The following TOM1 variants were observed in gnomAD, a reference collection of about 807,000 sequenced individuals.
TOM1 encodes the protein target of Myb protein 1.
Under a neutral mutation model 61.3 loss-of-function variants are expected in TOM1, and 38 were observed. The observed-to-expected ratio is 0.62, with a 90% CI of 0.48 to 0.81. The LOEUF (loss-of-function observed/expected upper bound fraction) is 0.81, where lower values mean the gene tolerates loss of function less well. Ranked by LOEUF, TOM1 falls within the 40% of genes least tolerant of loss-of-function variation. The pLI is 0.00. For synonymous variants in TOM1, 270 were observed against 268.8 expected, an observed-to-expected ratio of 1.00 and a Z score of -0.04; for missense variants, 591 against 659.6, an observed-to-expected ratio of 0.90 and a Z score of 1.14.
At chr22:35,337,962 T>C (rs1321859313) in intron 11 of TOM1, among the ~76,000 whole-genome samples, 2 of 152,154 alleles carry the variant, frequency 1.3e-5, no homozygotes, top group East Asian at 3.8e-4. Flanking sequence ...CCGCCTCTCC[T>C]CCTTAGCCAG....
At chr22:35,326,351 A>G (rs1360143733) in intron 6 of TOM1, among the ~76,000 whole-genome samples, 2 of 152,172 alleles carry the variant, frequency 1.3e-5, no homozygotes, top group Non-Finnish European at 2.9e-5. Flanking sequence ...AACACCCTAC[A>G]AGGTCCCACA....
At chr22:35,302,497 C>T (rs1004161405) in intron 1 of TOM1, among the ~76,000 whole-genome samples, 7 of 151,844 alleles carry the variant, frequency 4.6e-5, no homozygotes, top group East Asian at 3.9e-4. Flanking sequence ...CCGCCACACC[C>T]GACTAATTTT....
chr22:35,300,171 T>C (rs1258483526), intron 1 of TOM1, among the ~76,000 whole-genome samples, 191 bp downstream of exon 1: 5 of 152,250 alleles, frequency 3.3e-5, no homozygotes, highest in South Asian at 4.1e-4. Flanking sequence ...TAGGAAGCCT[T>C]GGCTTGTGAT....
intron 11 of TOM1, among the ~76,000 whole-genome samples, chr22:35,337,519 A>G (rs1433359243): frequency 6.6e-6 from 1 of 152,108 alleles, no homozygotes; most frequent in Non-Finnish European, 1.5e-5. Context: ...TAGTGGTCAC[A>G]CTCCACCAGC....
At chr22:35,334,237 C>G in intron 10 of TOM1, 91 bp from the exon 11 acceptor site, 3 of 1,521,740 alleles carry the variant, frequency 2.0e-6, no homozygotes, top group Non-Finnish European at 1.8e-6. Context: ...TTCCCCAGCA[C>G]CAAGCCCTGG....
chr22:35,345,599 GGGCAGCTA>G, intron 12 of TOM1, 118 bp from the exon 13 acceptor site: 2 of 905,126 alleles, frequency 2.2e-6, no homozygotes, highest in Non-Finnish European at 3.6e-6. Flanking sequence ...TGGTGGGTCC[GGGCAGCTA>G]GGCAGCTGAG....
intron 1 of TOM1, chr22:35,311,232 G>C (rs1018076672): frequency 6.6e-6 from 1 of 152,196 alleles, no homozygotes; most frequent in Non-Finnish European, 1.5e-5. Context: ...TGTCCACCGC[G>C]GAGCAGTCCC....
intron 1 of TOM1, among the ~76,000 whole-genome samples, chr22:35,316,807 C>G (rs779377961): frequency 6.6e-6 from 1 of 152,122 alleles, no homozygotes; most frequent in Non-Finnish European, 1.5e-5. Context: ...AAAGAACCAC[C>G]ACCACTTGCT....
chr22:35,339,922 G>A (rs975440233), intron 12 of TOM1, among the ~76,000 whole-genome samples: 3 of 151,444 alleles, frequency 2.0e-5, no homozygotes, highest in East Asian at 1.9e-4. Context: ...AAAAAAGAGC[G>A]GACCCTAAAG....
chr22:35,302,074 G>A (rs141665203), intron 1 of TOM1, among the ~76,000 whole-genome samples: 36 of 152,306 alleles, frequency 2.4e-4, no homozygotes, highest in African/African-American at 7.9e-4. Flanking sequence ...ACCTTGAAGC[G>A]TTGCCTTTCT....
At chr22:35,338,037 C>T (rs1929530281) in intron 11 of TOM1, among the ~76,000 whole-genome samples, 1 of 152,186 alleles carries the variant, frequency 6.6e-6, no homozygotes, top group African/African-American at 2.4e-5. Context: ...ACAACATACC[C>T]TTCCTTGCCT....
intron 1 of TOM1, among the ~76,000 whole-genome samples, chr22:35,308,232 C>G (rs1028861610): frequency 6.0e-5 from 9 of 150,200 alleles, no homozygotes; most frequent in Non-Finnish European, 1.0e-4. Flanking sequence ...GTGTGTGTGT[C>G]TGTCTCTCTC....
chr22:35,345,546 G>A, intron 12 of TOM1, 179 bp from the exon 13 acceptor site: 1 of 641,058 alleles, frequency 1.6e-6, no homozygotes, highest in Non-Finnish European at 2.8e-6. Flanking sequence ...TAGTCTCCTG[G>A]CTCTGCACCT....
upstream of TOM1, chr22:35,299,635 C>A (rs1925524376): frequency 2.2e-6 from 1 of 462,486 alleles, no homozygotes; most frequent in East Asian, 4.6e-5. Flanking sequence ...TAGACCTCGC[C>A]CTAAAAGGTC....
intron 12 of TOM1, among the ~76,000 whole-genome samples, chr22:35,340,349 C>T (rs1439103387): frequency 6.6e-6 from 1 of 152,168 alleles, no homozygotes; most frequent in Non-Finnish European, 1.5e-5. Context: ...CTCAGCGCGG[C>T]TAGGAGCGCT....
At chr22:35,322,335 A>G (rs1029991111) in intron 3 of TOM1, 2 of 370,070 alleles carry the variant, frequency 5.4e-6, no homozygotes, top group Non-Finnish European at 9.9e-6. Flanking sequence ...CAGTAAACCC[A>G]GGCCTCCGCG....
intron 12 of TOM1, among the ~76,000 whole-genome samples, chr22:35,340,860 G>A (rs1929815018): frequency 6.6e-6 from 1 of 152,224 alleles, no homozygotes; most frequent in Non-Finnish European, 1.5e-5. Flanking sequence ...GGGTCTCCCA[G>A]CATCTCAGGA....
intron 12 of TOM1, among the ~76,000 whole-genome samples, chr22:35,340,897 G>C (rs1929819966): frequency 6.6e-6 from 1 of 152,224 alleles, no homozygotes; most frequent in Non-Finnish European, 1.5e-5. Flanking sequence ...AACAGGGCAA[G>C]GTGGAGGACG....
chr22:35,331,739 T>C (rs1928860091), intron 8 of TOM1, among the ~76,000 whole-genome samples: 1 of 151,924 alleles, frequency 6.6e-6, no homozygotes, highest in African/African-American at 2.4e-5. Flanking sequence ...ACAAAAAAAT[T>C]AGCCGGAGGT....
Sources: allele counts gnomAD v4.1 joint callset (sites outside exome capture counted in the v4.1 genomes callset), GRCh38; gene constraint gnomAD v4.1.1; transcripts MANE v1.5; gene names NCBI Gene and HGNC (gene_info 2026-07-23, HGNC 2026-07-21).